CDH13: variants seen among roughly 807,000 people sequenced by gnomAD.
The protein encoded by CDH13 is cadherin 13.
A neutral mutation model predicts 63.8 loss-of-function variants in CDH13; 24 were observed. The observed-to-expected ratio is 0.38, with a 90% CI of 0.27 to 0.53. CDH13 has a LOEUF of 0.53. Among genes scored for constraint, CDH13 ranks in the 20% least tolerant of loss-of-function variants. CDH13 has a pLI of 0.85. For missense variants in CDH13, 1,049 were observed against 903.1 expected (o/e 1.16, Z -2.07); for synonymous variants, 503 against 355.3 (o/e 1.42, Z -4.67).
intron 3 of CDH13, among the ~76,000 whole-genome samples, chr16:83,116,025 A>G (rs771918033): frequency 3.9e-5 from 6 of 152,086 alleles, no homozygotes; most frequent in Non-Finnish European, 7.4e-5. Context: ...TTCCTCTCAA[A>G]TCTCACCACT....
intron 1 of CDH13, among the ~76,000 whole-genome samples, chr16:82,633,845 T>G (rs1908326045): frequency 6.6e-6 from 1 of 152,228 alleles, no homozygotes; most frequent in Non-Finnish European, 1.5e-5. Flanking sequence ...TCTGTCTGCC[T>G]CATCCCATAC....
At chr16:82,796,790 A>C (rs1441927767) in intron 1 of CDH13, among the ~76,000 whole-genome samples, 1 of 152,232 alleles carries the variant, frequency 6.6e-6, no homozygotes, top group Non-Finnish European at 1.5e-5. Flanking sequence ...TCCCAGAGGA[A>C]GGCTTTAAGA....
chr16:83,467,147 C>T (rs78242186), intron 6 of CDH13, among the ~76,000 whole-genome samples: 4,382 of 152,256 alleles, frequency 0.029, 203 homozygotes, highest in African/African-American at 0.099. Flanking sequence ...GAAAAACACT[C>T]TTACCAAGCC....
intron 6 of CDH13, among the ~76,000 whole-genome samples, chr16:83,433,911 A>G (rs184879493): frequency 6.6e-6 from 1 of 152,246 alleles, no homozygotes; most frequent in East Asian, 1.9e-4. Flanking sequence ...AATTATGCTT[A>G]GTGGCTCGTT....
chr16:83,335,413 C>G (rs2090571869), intron 5 of CDH13, among the ~76,000 whole-genome samples: 1 of 150,970 alleles, frequency 6.6e-6, no homozygotes, highest in Non-Finnish European at 1.5e-5. Flanking sequence ...CACACAGTTC[C>G]TTTGTCTGAA....
intron 3 of CDH13, among the ~76,000 whole-genome samples, chr16:83,055,001 A>C (rs1198157405): frequency 6.6e-6 from 1 of 152,114 alleles, no homozygotes; most frequent in South Asian, 2.1e-4. Context: ...TATTCTGACC[A>C]TTTTAAATTT....
At chr16:82,975,036 G>A (rs931346615) in intron 2 of CDH13, among the ~76,000 whole-genome samples, 5 of 152,152 alleles carry the variant, frequency 3.3e-5, no homozygotes, top group African/African-American at 9.7e-5. Flanking sequence ...AAGTCCTCAC[G>A]TCTGCACACC....
At chr16:83,432,673 T>G (rs2072157073) in intron 6 of CDH13, among the ~76,000 whole-genome samples, 2 of 152,118 alleles carry the variant, frequency 1.3e-5, no homozygotes, top group Admixed American at 6.6e-5. Context: ...GCTCTCAGGC[T>G]CATGCAGATG....
chr16:83,783,374 T>C lies in CDH13; in HGVS notation c.2036T>C (p.Val679Ala). 6.2e-7 allele frequency: 1 copy of C among 1,613,944 alleles called. No individual in the cohort carries two copies. Among genetic ancestry groups the C allele is most frequent in the Admixed American group, 1.7e-5 (1 of 60,016 alleles). The change falls in exon 13 of 14, where the codon GTG (valine) becomes GCG (alanine). Residue 679 changes from valine (V) to alanine (A), a missense_variant. By Grantham distance (64) the Val-to-Ala change is moderately conservative. Transcript: ENST00000567109. Reference sequence around the variant, plus strand: ...AATATCACAGATCTCAGGGTACAAGTGTGCTCCTGCAGGAATTCCAAAGTG... The same window carrying C: ...AATATCACAGATCTCAGGGTACAAGCGTGCTCCTGCAGGAATTCCAAAGTG... ...MTNITDLRVQ[V>A]CSCRNSKVDC...
intron 11 of CDH13, among the ~76,000 whole-genome samples, chr16:83,749,714 A>G (rs1279546019): frequency 2.0e-5 from 3 of 152,158 alleles, no homozygotes; most frequent in Non-Finnish European, 4.4e-5. Context: ...TGAATAATAC[A>G]TGGTCCTTGT....
intron 6 of CDH13, among the ~76,000 whole-genome samples, chr16:83,388,000 T>C (rs1359790838): frequency 6.6e-6 from 1 of 152,226 alleles, no homozygotes; most frequent in Non-Finnish European, 1.5e-5. Context: ...TCTTATAGAC[T>C]CATTGGGTTT....
chr16:82,952,076 A>T (rs1288913368), intron 2 of CDH13, among the ~76,000 whole-genome samples: 2 of 152,218 alleles, frequency 1.3e-5, no homozygotes, highest in African/African-American at 4.8e-5. Context: ...TTTTCTCGAA[A>T]GGAGTTTTGA....
chr16:82,794,714 C>A (rs2036497110), intron 1 of CDH13, among the ~76,000 whole-genome samples: 1 of 152,166 alleles, frequency 6.6e-6, no homozygotes, highest in Admixed American at 6.5e-5. Context: ...AATACCCCTT[C>A]AGCCTTAATA....
chr16:82,796,202 C>G (rs904513937), intron 1 of CDH13, among the ~76,000 whole-genome samples: 1 of 152,080 alleles, frequency 6.6e-6, no homozygotes, highest in East Asian at 1.9e-4. Context: ...TGGGTGAACT[C>G]AATTGACAGG....
chr16:82,629,175 G>A (rs58065355), intron 1 of CDH13, among the ~76,000 whole-genome samples: 1,953 of 152,274 alleles, frequency 0.013, 29 homozygotes, highest in African/African-American at 0.044. Flanking sequence ...CTCTGCGCAC[G>A]GTTCTTTTTG....
intron 1 of CDH13, among the ~76,000 whole-genome samples, chr16:82,697,131 A>G (rs1451682168): frequency 1.3e-5 from 2 of 152,252 alleles, no homozygotes; most frequent in African/African-American, 4.8e-5. Flanking sequence ...TACTGAGTCC[A>G]GGTCCACACT....
intron 5 of CDH13, among the ~76,000 whole-genome samples, chr16:83,257,470 G>A (rs1015551696): frequency 1.3e-5 from 2 of 152,022 alleles, no homozygotes; most frequent in Non-Finnish European, 2.9e-5. Context: ...ACCCATCTTC[G>A]TTCCCTGATG....
chr16:82,668,345 G>A (rs1189794316), intron 1 of CDH13, among the ~76,000 whole-genome samples: 1 of 152,136 alleles, frequency 6.6e-6, no homozygotes, highest in Admixed American at 6.5e-5. Context: ...TAATTAAAGG[G>A]TGCCTAGGAC....
intron 8 of CDH13, among the ~76,000 whole-genome samples, chr16:83,635,990 G>C (rs1355871863): frequency 6.6e-6 from 1 of 152,036 alleles, no homozygotes; most frequent in Non-Finnish European, 1.5e-5. Flanking sequence ...TATGTAAAGT[G>C]TAAGGTTTAG....
Sources: gnomAD v4.1 joint callset for allele counts (sites outside exome capture counted in the v4.1 genomes callset) on GRCh38, gnomAD v4.1.1 for gene constraint, MANE v1.5 for transcripts, NCBI Gene and HGNC (gene_info 2026-07-23, HGNC 2026-07-21) for gene names.